The following PPP2R2B variants were observed in gnomAD, a reference collection of about 807,000 sequenced individuals.
PPP2R2B encodes the protein serine/threonine-protein phosphatase 2A 55 kDa regulatory subunit B beta isoform.
In PPP2R2B, 5 loss-of-function variants were observed where a neutral mutation model predicts 46.0. The ratio of observed to expected loss-of-function variants is 0.11; its 90% CI spans 0.06 to 0.23. PPP2R2B has a LOEUF of 0.23. Among genes scored for constraint, PPP2R2B ranks in the 10% least tolerant of loss-of-function variants. The pLI, the probability that PPP2R2B is intolerant of heterozygous loss-of-function variation, is 1.00. For synonymous variants in PPP2R2B, 215 were observed against 206.7 expected (o/e 1.04, Z -0.34); for missense variants, 367 against 575.0 (o/e 0.64, Z 3.70).
intron 3 of PPP2R2B, among the ~76,000 whole-genome samples, chr5:146,700,301 C>A (rs1243679061): frequency 2.0e-5 from 3 of 152,122 alleles, no homozygotes; most frequent in Admixed American, 6.5e-5. Context: ...AGCTCGAAGA[C>A]CATGCCAGGG....
chr5:146,938,115 C>T (rs1385726196), intron 1 of PPP2R2B, among the ~76,000 whole-genome samples: 2 of 152,104 alleles, frequency 1.3e-5, no homozygotes, highest in Non-Finnish European at 2.9e-5. Context: ...TACCGTATTT[C>T]ATGGATTCCA....
At chr5:146,947,094 T>C (rs1040176416) in intron 1 of PPP2R2B, among the ~76,000 whole-genome samples, 1 of 152,248 alleles carries the variant, frequency 6.6e-6, no homozygotes, top group East Asian at 1.9e-4. Flanking sequence ...ACAAAGCTCA[T>C]TACTAAACGT....
intron 5 of PPP2R2B, among the ~76,000 whole-genome samples, chr5:146,663,309 A>G (rs1776780838): frequency 6.6e-6 from 1 of 152,234 alleles, no homozygotes. Context: ...AGAAAAATAT[A>G]ACATTCTATC....
chr5:146,909,700 T>A (rs1441715397), intron 1 of PPP2R2B, among the ~76,000 whole-genome samples: 1 of 152,232 alleles, frequency 6.6e-6, no homozygotes, highest in Non-Finnish European at 1.5e-5. Context: ...CTGTGTCACA[T>A]CCTGTGACAT....
chr5:146,798,932 G>A (rs923356135), intron 2 of PPP2R2B, among the ~76,000 whole-genome samples: 5 of 152,052 alleles, frequency 3.3e-5, no homozygotes, highest in African/African-American at 9.7e-5. Context: ...CTGTTTAAAG[G>A]GATCTAGTCA....
intron 7 of PPP2R2B, among the ~76,000 whole-genome samples, chr5:146,629,184 A>C (rs1774254977): frequency 6.6e-6 from 1 of 152,226 alleles, no homozygotes; most frequent in South Asian, 2.1e-4. Context: ...ATTGTCTGCC[A>C]GACTTCTCTA....
intron 2 of PPP2R2B, among the ~76,000 whole-genome samples, chr5:146,832,921 T>C (rs886595586): frequency 6.6e-6 from 1 of 151,984 alleles, no homozygotes; most frequent in Non-Finnish European, 1.5e-5. Context: ...AATTGCCTAA[T>C]GGCACACTTC....
At chr5:146,960,607 G>A (rs900495240) in intron 1 of PPP2R2B, among the ~76,000 whole-genome samples, 13 of 152,118 alleles carry the variant, frequency 8.5e-5, no homozygotes, top group African/African-American at 2.9e-4. Flanking sequence ...GAAGACAGAA[G>A]CACAGTAATT....
intron 5 of PPP2R2B, among the ~76,000 whole-genome samples, chr5:146,685,586 A>G (rs1226409872): frequency 6.6e-6 from 1 of 152,240 alleles, no homozygotes; most frequent in African/African-American, 2.4e-5. Context: ...AATGGTCCTC[A>G]GGAAGTCCTC....
intron 2 of PPP2R2B, among the ~76,000 whole-genome samples, chr5:146,863,274 A>C (rs1185330400): frequency 6.6e-6 from 1 of 152,180 alleles, no homozygotes; most frequent in Non-Finnish European, 1.5e-5. Context: ...AAGGGATTAG[A>C]AATTAGTCAT....
chr5:146,778,894 A>G (rs903999300), intron 2 of PPP2R2B, among the ~76,000 whole-genome samples: 2 of 152,194 alleles, frequency 1.3e-5, no homozygotes, highest in East Asian at 1.9e-4. Context: ...AGGGCTGCCC[A>G]TCTATGGAAA....
rs963809932 is a variant in PPP2R2B at position 146,585,381 on chromosome 5, G to A, written c.*4566C>T. On this transcript the variant is annotated 3_prime_UTR_variant, in exon 10 of 10. Transcript: ENST00000394411. ...GTCACTTGTGAACTGTGTAAATTTG[G>A]TTGTCATTCATCTGTTTCTGTATCT... The A allele has an allele frequency of 6.6e-6, 1 of 151,268 alleles. No individual in the cohort carries two copies. Among genetic ancestry groups the A allele is most frequent in the Non-Finnish European group, 1.5e-5 (1 of 67,946 alleles). The allele number at this position is 151,268 out of a possible 1,614,324, so 9.4% of individuals were successfully genotyped here.
intron 5 of PPP2R2B, among the ~76,000 whole-genome samples, chr5:146,681,983 A>C (rs1446016638): frequency 1.3e-5 from 2 of 152,192 alleles, no homozygotes; most frequent in Non-Finnish European, 2.9e-5. Flanking sequence ...TTGAGTGTAC[A>C]TATGGGAGGT....
chr5:146,777,125 A>T (rs528983518), intron 2 of PPP2R2B, among the ~76,000 whole-genome samples: 1 of 152,226 alleles, frequency 6.6e-6, no homozygotes, highest in South Asian at 2.1e-4. Flanking sequence ...ACTCCTAGGC[A>T]TGCACCCCAA....
At chr5:146,599,414 G>A (rs1420917178) in intron 8 of PPP2R2B, among the ~76,000 whole-genome samples, 1 of 152,168 alleles carries the variant, frequency 6.6e-6, no homozygotes, top group Non-Finnish European at 1.5e-5. Context: ...AAACTGCAAA[G>A]TGAAACACAC....
chr5:146,911,888 G>A (rs1763195599), intron 1 of PPP2R2B, among the ~76,000 whole-genome samples: 1 of 152,194 alleles, frequency 6.6e-6, no homozygotes, highest in South Asian at 2.1e-4. Context: ...TCAGCACAGT[G>A]GAGGACGAAT....
At chr5:147,056,109 CTT>C (rs1757073865), upstream of PPP2R2B, 1 of 1,053,116 alleles carries the variant, frequency 9.5e-7, no homozygotes, top group East Asian at 7.0e-5. Flanking sequence ...GTGAGTTTCT[CTT>C]TTCGCAAGAG....
At chr5:146,805,113 G>C (rs570809841) in intron 2 of PPP2R2B, among the ~76,000 whole-genome samples, 2 of 152,304 alleles carry the variant, frequency 1.3e-5, no homozygotes, top group Non-Finnish European at 2.9e-5. Flanking sequence ...TAATTGCAGA[G>C]AGTGATTAGC....
At chr5:147,036,851 G>C (rs891151723) in intron 1 of PPP2R2B, among the ~76,000 whole-genome samples, 2 of 152,176 alleles carry the variant, frequency 1.3e-5, no homozygotes, top group Non-Finnish European at 2.9e-5. Context: ...CTTAATTTGT[G>C]TCTAGATTAG....
Sources: allele counts gnomAD v4.1 joint callset (sites outside exome capture counted in the v4.1 genomes callset), GRCh38; gene constraint gnomAD v4.1.1; transcripts MANE v1.5; gene names NCBI Gene and HGNC (gene_info 2026-07-23, HGNC 2026-07-21).